Variants in LHFPL3 observed in about 807,000 individuals in gnomAD.
The protein encoded by LHFPL3 is LHFPL tetraspan subfamily member 3 protein.
Under a neutral mutation model 19.3 loss-of-function variants are expected in LHFPL3, and 5 were observed. The observed-to-expected ratio is 0.26, with a 90% confidence interval of 0.14 to 0.54. The LOEUF (loss-of-function observed/expected upper bound fraction) is 0.54. LHFPL3 is among the 20% of genes least tolerant of loss of function. The pLI is 0.94. For synonymous variants in LHFPL3, 133 were observed against 126.2 expected (o/e 1.05, Z -0.36); for missense variants, 249 against 307.4 (o/e 0.81, Z 1.42).
intron 2 of LHFPL3, among the ~76,000 whole-genome samples, chr7:104,873,714 C>T (rs541343266): frequency 6.6e-6 from 1 of 152,294 alleles, no homozygotes; most frequent in South Asian, 2.1e-4. Context: ...TCATACACTC[C>T]CACACACATT....
chr7:104,822,736 G>A (rs1034202319), intron 2 of LHFPL3, among the ~76,000 whole-genome samples: 2 of 152,166 alleles, frequency 1.3e-5, no homozygotes, highest in African/African-American at 2.4e-5. Flanking sequence ...AATCTGACAC[G>A]GAGCTATGGT....
intron 2 of LHFPL3, among the ~76,000 whole-genome samples, chr7:104,857,192 G>A (rs998228142): frequency 7.2e-5 from 11 of 152,164 alleles, no homozygotes; most frequent in Non-Finnish European, 1.5e-4. Flanking sequence ...AGGACGCACT[G>A]CCAGCAATCT....
intron 2 of LHFPL3, chr7:104,744,034 A>G (rs1274749772): frequency 7.0e-6 from 1 of 142,636 alleles, no homozygotes; most frequent in Non-Finnish European, 1.5e-5. Flanking sequence ...TTTTTTTTTT[A>G]GAAACAGTGC....
chr7:104,838,375 C>T (rs1033013384), intron 2 of LHFPL3, among the ~76,000 whole-genome samples: 2 of 152,150 alleles, frequency 1.3e-5, no homozygotes, highest in African/African-American at 4.8e-5. Flanking sequence ...GAAGAGCTAC[C>T]ACTGTAGTGA....
intron 1 of LHFPL3, among the ~76,000 whole-genome samples, chr7:104,613,150 A>T (rs962122360): frequency 2.6e-5 from 4 of 152,226 alleles, no homozygotes; most frequent in Non-Finnish European, 5.9e-5. Context: ...AGTAAAAATG[A>T]TCAGCAAAGA....
chr7:104,769,569 A>G (rs1166248828), intron 2 of LHFPL3, among the ~76,000 whole-genome samples: 2 of 152,152 alleles, frequency 1.3e-5, no homozygotes, highest in Non-Finnish European at 2.9e-5. Context: ...TCAACCCGTC[A>G]TCTACATTAG....
intron 1 of LHFPL3, among the ~76,000 whole-genome samples, chr7:104,349,420 G>A (rs1434641319): frequency 6.6e-6 from 1 of 152,194 alleles, no homozygotes; most frequent in Admixed American, 6.5e-5. Context: ...AGAGAAAAGT[G>A]TTGGGAAATG....
At chr7:104,773,343 T>C (rs1794589656) in intron 2 of LHFPL3, among the ~76,000 whole-genome samples, 1 of 152,170 alleles carries the variant, frequency 6.6e-6, no homozygotes, top group South Asian at 2.1e-4. Context: ...AGCTCTGTAA[T>C]GGGGAAGTAA....
At chr7:104,693,180 T>A (rs1792936604) in intron 1 of LHFPL3, among the ~76,000 whole-genome samples, 1 of 152,170 alleles carries the variant, frequency 6.6e-6, no homozygotes, top group Non-Finnish European at 1.5e-5. Flanking sequence ...TTGCAATAGG[T>A]ATATTTATCC....
At chr7:104,402,291 A>G (rs1238620521) in intron 1 of LHFPL3, among the ~76,000 whole-genome samples, 1 of 152,234 alleles carries the variant, frequency 6.6e-6, no homozygotes, top group Admixed American at 6.5e-5. Context: ...TCCAAATTTC[A>G]GAGAAGTGGG....
At chr7:104,816,999 C>T (rs985015461) in intron 2 of LHFPL3, among the ~76,000 whole-genome samples, 7 of 152,158 alleles carry the variant, frequency 4.6e-5, no homozygotes, top group Non-Finnish European at 7.3e-5. Flanking sequence ...CTGGGGCTCC[C>T]CTGCAAACCT....
chr7:104,815,418 G>A (rs911553490), intron 2 of LHFPL3, among the ~76,000 whole-genome samples: 5 of 152,160 alleles, frequency 3.3e-5, no homozygotes, highest in Non-Finnish European at 7.3e-5. Context: ...GCTGGCTGGC[G>A]GTTACACAGT....
intron 1 of LHFPL3, among the ~76,000 whole-genome samples, chr7:104,566,588 G>A (rs1336900573): frequency 6.6e-6 from 1 of 152,120 alleles, no homozygotes; most frequent in Non-Finnish European, 1.5e-5. Context: ...GATGTTAGAA[G>A]CCCGTACCAT....
At chr7:104,397,758 A>G (rs1791220735) in intron 1 of LHFPL3, among the ~76,000 whole-genome samples, 1 of 152,244 alleles carries the variant, frequency 6.6e-6, no homozygotes, top group Non-Finnish European at 1.5e-5. Context: ...AAAAAGCAGT[A>G]TAAATCAAGG....
At chr7:104,601,911 C>A (rs1469107937) in intron 1 of LHFPL3, among the ~76,000 whole-genome samples, 1 of 152,058 alleles carries the variant, frequency 6.6e-6, no homozygotes, top group African/African-American at 2.4e-5. Flanking sequence ...TGGGACCTAC[C>A]CAGACAGAGC....
At chr7:104,390,312 T>C (rs1791039371) in intron 1 of LHFPL3, among the ~76,000 whole-genome samples, 1 of 152,078 alleles carries the variant, frequency 6.6e-6, no homozygotes, top group Admixed American at 6.6e-5. Flanking sequence ...ACATTAGGTA[T>C]ATCTCCTAAT....
At chr7:104,380,153 C>G (rs1049765316) in intron 1 of LHFPL3, among the ~76,000 whole-genome samples, 1 of 152,118 alleles carries the variant, frequency 6.6e-6, no homozygotes, top group Non-Finnish European at 1.5e-5. Context: ...TTTATAATCC[C>G]TAGGTTTCTC....
chr7:104,351,644 T>G (rs1790176395), intron 1 of LHFPL3, among the ~76,000 whole-genome samples: 1 of 152,242 alleles, frequency 6.6e-6, no homozygotes, highest in South Asian at 2.1e-4. Context: ...CTTATAAGTT[T>G]CATTTTTTAT....
chr7:104,660,874 C>G (rs961379609), intron 1 of LHFPL3, among the ~76,000 whole-genome samples: 7 of 152,190 alleles, frequency 4.6e-5, no homozygotes, highest in African/African-American at 1.7e-4. Context: ...CTCTGGTCCT[C>G]TTTTCAGGAC....
Sources: allele counts gnomAD v4.1 joint callset (sites outside exome capture counted in the v4.1 genomes callset), GRCh38; gene constraint gnomAD v4.1.1; transcripts MANE v1.5; gene names NCBI Gene and HGNC (gene_info 2026-07-23, HGNC 2026-07-21).